PCDH11X: variants seen among roughly 807,000 people sequenced by gnomAD.
The protein encoded by PCDH11X is protocadherin 11 X-linked, also known as protocadherin-11 X-linked.
Under a neutral mutation model 53.3 loss-of-function variants are expected in PCDH11X, and 18 were observed. The observed-to-expected ratio is 0.34, with a 90% confidence interval of 0.23 to 0.50. The LOEUF (loss-of-function observed/expected upper bound fraction) is 0.50, where lower values mean the gene tolerates loss of function less well. PCDH11X is among the 20% of genes least tolerant of loss of function. The probability of loss-of-function intolerance (pLI) is 0.98; values close to 1 mark genes in which losing one functional copy is unlikely to be tolerated. For synonymous variants in PCDH11X, 279 were observed against 393.3 expected, an observed-to-expected ratio of 0.71 and a Z score of 3.44; for missense variants, 570 against 1,032.4, an observed-to-expected ratio of 0.55 and a Z score of 6.14.
intron 6 of PCDH11X, among the ~76,000 whole-genome samples, chrX:91,967,045 T>C (rs944470877): frequency 7.3e-5 from 7 of 96,323 alleles, no homozygotes; most frequent in Admixed American, 5.9e-4. Flanking sequence ...TGTGTTCTGA[T>C]TGTTCAACCC....
rs1480113559 is a variant in PCDH11X, at chrX:92,452,493, ATATATG to A, written c.3344-15804_3344-15799del. 1.2e-3 allele frequency among the ~76,000 whole-genome samples: 56 copies of A among 47,578 alleles called. 1 individual carries two copies. The highest frequency in any genetic ancestry group is 7.8e-3 in the African/African-American group (47 of 6,038). The allele number at this position is 47,578 out of a possible 115,157, so 41.3% of individuals were successfully genotyped here. On this transcript the variant is annotated intron_variant, in intron 9 of 10. Coordinates refer to ENST00000682573, the MANE Select transcript of PCDH11X (RefSeq NM_032968.5). ...TATATATATATATATATATATATATATATATGTTTTTTTTTTTTTTTTTGAGATGGA... is the reference window on the plus strand; with the variant it reads ...TATATATATATATATATATATATATATTTTTTTTTTTTTTTTTGAGATGGA...
chrX:91,983,983 C>G (rs751170302), intron 6 of PCDH11X, among the ~76,000 whole-genome samples: 33 of 108,964 alleles, frequency 3.0e-4, no homozygotes, highest in African/African-American at 1.1e-3. Flanking sequence ...AAAATCATCT[C>G]AATTTACTAC....
At chrX:92,225,180 A>T (rs1198122319) in intron 7 of PCDH11X, among the ~76,000 whole-genome samples, 1 of 111,565 alleles carries the variant, frequency 9.0e-6, no homozygotes, top group East Asian at 2.8e-4. Context: ...AGGCAATATA[A>T]TTTACACCTG....
Position 92,201,462 on chromosome X carries a change from C to A in PCDH11X, c.3114+7C>A. 8.9e-7 allele frequency: 1 copy of A among 1,123,063 alleles called. No homozygotes were observed. The highest frequency in any genetic ancestry group is 1.2e-6 in the Non-Finnish European group (1 of 827,466). 92.6% of individuals were successfully genotyped at this position (1,123,063 alleles called of 1,213,427 possible). A position where few individuals can be genotyped will look rare whatever the true frequency, so the allele number is the denominator to read the frequency against. On this transcript the variant is annotated splice_region_variant and intron_variant, in intron 7 of 10. Coordinates refer to ENST00000682573, the MANE Select transcript of PCDH11X (RefSeq NM_032968.5). ...GATTCATCCCCAACCACAGGTATGG[C>A]AAAAGCCCTATGATTTTTCCTCCCC...
At chrX:92,238,281 T>A (rs939098954) in intron 7 of PCDH11X, among the ~76,000 whole-genome samples, 3 of 111,919 alleles carry the variant, frequency 2.7e-5, no homozygotes, top group Non-Finnish European at 5.7e-5. Context: ...GTGTTGTATA[T>A]GTGTGTACTG....
At chrX:92,227,483 T>C (rs148358728) in intron 7 of PCDH11X, among the ~76,000 whole-genome samples, 1 of 111,697 alleles carries the variant, frequency 9.0e-6, no homozygotes, top group Non-Finnish European at 1.9e-5. Flanking sequence ...GCAAATATTA[T>C]TCTATTTTCT....
At chrX:92,323,231 G>T (rs1321014057) in intron 8 of PCDH11X, among the ~76,000 whole-genome samples, 1 of 111,159 alleles carries the variant, frequency 9.0e-6, no homozygotes, top group Admixed American at 9.6e-5. Context: ...TTCTTATATA[G>T]AATCAATTAA....
At chrX:91,870,375 C>T (rs191452056) in intron 5 of PCDH11X, among the ~76,000 whole-genome samples, 5 of 110,474 alleles carry the variant, frequency 4.5e-5, no homozygotes, top group Non-Finnish European at 9.5e-5. Flanking sequence ...CTTATAAAAA[C>T]AAAGTTGGGG....
At chrX:91,995,852 G>GT (rs1279977266) in intron 6 of PCDH11X, among the ~76,000 whole-genome samples, 8,979 of 95,188 alleles carry the variant, frequency 0.094, 417 homozygotes, top group Non-Finnish European at 0.11. Context: ...TCTTCTTTTT[G>GT]TTTTTTTTTT....
At chrX:92,116,244 A>G (rs2064635981) in intron 6 of PCDH11X, among the ~76,000 whole-genome samples, 1 of 112,240 alleles carries the variant, frequency 8.9e-6, no homozygotes, top group African/African-American at 3.2e-5. Context: ...GTATTCATAG[A>G]TCATCTTGAA....
intron 6 of PCDH11X, among the ~76,000 whole-genome samples, chrX:92,050,641 C>A (rs1362865862): frequency 2.8e-5 from 3 of 105,834 alleles, no homozygotes; most frequent in Non-Finnish European, 3.9e-5. Flanking sequence ...AGATAGTTAA[C>A]CTAAGTACCA....
chrX:91,932,580 G>T (rs1271869751), intron 6 of PCDH11X, among the ~76,000 whole-genome samples: 1 of 100,258 alleles, frequency 1.0e-5, no homozygotes, highest in African/African-American at 3.7e-5. Flanking sequence ...GAGAAAAGGG[G>T]AGAAATGGAG....
intron 10 of PCDH11X, among the ~76,000 whole-genome samples, chrX:92,541,692 AT>A (rs1212053157): frequency 3.8e-5 from 1 of 26,598 alleles, no homozygotes; most frequent in Non-Finnish European, 8.1e-5. Context: ...CTTTAAAAAA[AT>A]AACTCAATTA....
chrX:92,054,095 A>C (rs2063405083), intron 6 of PCDH11X, among the ~76,000 whole-genome samples: 1 of 111,876 alleles, frequency 8.9e-6, no homozygotes, highest in African/African-American at 3.2e-5. Flanking sequence ...ATTTAACTGA[A>C]GATACTAACA....
At chrX:92,054,744 C>G (rs370802217) in intron 6 of PCDH11X, among the ~76,000 whole-genome samples, 2 of 99,152 alleles carry the variant, frequency 2.0e-5, no homozygotes, top group Non-Finnish European at 3.9e-5. Flanking sequence ...CACTTGAACC[C>G]GGGAGGCAGA....
intron 7 of PCDH11X, among the ~76,000 whole-genome samples, chrX:92,222,326 G>A (rs1429534328): frequency 9.0e-6 from 1 of 111,613 alleles, no homozygotes; most frequent in African/African-American, 3.3e-5. Context: ...TTAAATGTTA[G>A]TGCCCAAATG....
rs183335071 is a variant in PCDH11X, at chrX:92,130,448, G to A, written c.3034-70927G>A. On this transcript the variant is annotated intron_variant, in intron 6 of 10. Coordinates refer to ENST00000682573, the MANE Select transcript of PCDH11X (RefSeq NM_032968.5). ...GCAGATCACCTGAGGTCAGGAGTTC[G>A]AGACCAGCCTGACCAACATGGAGAA... Among the ~76,000 whole-genome samples, 513 of 110,164 alleles carry A rather than the reference G, an allele frequency of 4.7e-3. 2 individuals are homozygous for A. Among genetic ancestry groups the A allele is most frequent in the African/African-American group, 0.016 (479 of 30,309 alleles).
intron 6 of PCDH11X, among the ~76,000 whole-genome samples, chrX:92,171,212 G>A (rs1268075308): frequency 2.9e-5 from 3 of 104,575 alleles, no homozygotes; most frequent in African/African-American, 1.0e-4. Context: ...TACAAACAAG[G>A]AAACTGAGAT....
intron 8 of PCDH11X, among the ~76,000 whole-genome samples, chrX:92,368,361 T>G (rs2070527083): frequency 8.9e-6 from 1 of 111,773 alleles, no homozygotes; most frequent in Non-Finnish European, 1.9e-5. Context: ...TTTATGTTTC[T>G]CTCTAAACTC....
Sources: allele counts gnomAD v4.1 joint callset (sites outside exome capture counted in the v4.1 genomes callset), GRCh38; gene constraint gnomAD v4.1.1; transcripts MANE v1.5; gene names NCBI Gene and HGNC (gene_info 2026-07-23, HGNC 2026-07-21).